Variants in PCDH15 observed in about 807,000 individuals in gnomAD.
PCDH15 encodes the protein protocadherin related 15.
PCDH15 carries 129 observed loss-of-function variants against 178.5 expected under a neutral mutation model. The observed-to-expected ratio is 0.72, with a 90% CI of 0.63 to 0.84. The LOEUF (loss-of-function observed/expected upper bound fraction) is 0.84, where lower values mean the gene tolerates loss of function less well. Ranked by LOEUF, PCDH15 falls within the 40% of genes least tolerant of loss-of-function variation. The probability of loss-of-function intolerance (pLI) is 0.00; values close to 1 mark genes in which losing one functional copy is unlikely to be tolerated. For synonymous variants in PCDH15, 800 were observed against 732.0 expected (o/e 1.09, Z -1.50); for missense variants, 2,230 against 2,099.9 (o/e 1.06, Z -1.21).
At chr10:54,384,031 G>A (rs1263585329) in intron 3 of PCDH15, among the ~76,000 whole-genome samples, 3 of 142,564 alleles carry the variant, frequency 2.1e-5, no homozygotes, top group African/African-American at 7.9e-5. Context: ...ATGGGGTTCC[G>A]CCATGTTGGC....
At chr10:54,565,813 G>C (rs144040730) in intron 2 of PCDH15, among the ~76,000 whole-genome samples, 1 of 152,232 alleles carries the variant, frequency 6.6e-6, no homozygotes, top group African/African-American at 2.4e-5. Flanking sequence ...GGCCAGGCGC[G>C]GTGGCTCATG....
intron 3 of PCDH15, among the ~76,000 whole-genome samples, chr10:54,882,459 G>C (rs965546126): frequency 6.6e-6 from 1 of 151,968 alleles, no homozygotes; most frequent in Non-Finnish European, 1.5e-5. Flanking sequence ...TTTAAAAACA[G>C]ATGCAAAACC....
chr10:54,566,744 G>A (rs780795408), intron 2 of PCDH15, among the ~76,000 whole-genome samples: 4 of 152,132 alleles, frequency 2.6e-5, no homozygotes, highest in Non-Finnish European at 5.9e-5. Flanking sequence ...TTCACTTACT[G>A]TAGACCCTCT....
chr10:54,121,194 T>C (rs574029902), intron 15 of PCDH15, among the ~76,000 whole-genome samples: 1 of 152,220 alleles, frequency 6.6e-6, no homozygotes, highest in East Asian at 1.9e-4. Context: ...TGAGTGACTT[T>C]TAAGTAAACA....
At chr10:55,412,615 A>G (rs1838366998) in intron 2 of PCDH15, among the ~76,000 whole-genome samples, 1 of 152,008 alleles carries the variant, frequency 6.6e-6, no homozygotes, top group African/African-American at 2.4e-5. Flanking sequence ...AGTATAAGGT[A>G]GAGGGATTAA....
At chr10:54,236,104 C>G (rs1433319439) in intron 9 of PCDH15, among the ~76,000 whole-genome samples, 1 of 152,152 alleles carries the variant, frequency 6.6e-6, no homozygotes, top group Non-Finnish European at 1.5e-5. Flanking sequence ...ATTTTTCAAG[C>G]ACACTTCAAA....
At chr10:54,281,189 C>G (rs1414965220) in intron 8 of PCDH15, among the ~76,000 whole-genome samples, 1 of 151,694 alleles carries the variant, frequency 6.6e-6, no homozygotes, top group East Asian at 1.9e-4. Context: ...TAAACTGTTC[C>G]CAACTTGGGG....
At chr10:54,366,158 T>C (rs1266471701) in intron 5 of PCDH15, among the ~76,000 whole-genome samples, 1 of 152,084 alleles carries the variant, frequency 6.6e-6, no homozygotes, top group African/African-American at 2.4e-5. Flanking sequence ...CAGTTCTCAG[T>C]TTTCTCATGG....
chr10:54,237,373 ATAAAG>A (rs2054741626), intron 8 of PCDH15, among the ~76,000 whole-genome samples: 2 of 150,984 alleles, frequency 1.3e-5, no homozygotes, highest in Admixed American at 6.6e-5. Context: ...TAAAATATAA[ATAAAG>A]TAAATAATTT....
At chr10:53,976,041 T>C (rs2090156358) in intron 21 of PCDH15, among the ~76,000 whole-genome samples, 1 of 152,192 alleles carries the variant, frequency 6.6e-6, no homozygotes. Context: ...CTCTATAGTT[T>C]GTTTTTGTAA....
At chr10:54,128,603 A>G (rs755850438) in intron 15 of PCDH15, among the ~76,000 whole-genome samples, 1 of 152,150 alleles carries the variant, frequency 6.6e-6, no homozygotes, top group Non-Finnish European at 1.5e-5. Context: ...GACTAGCAAC[A>G]ATTTCAACCT....
At chr10:54,057,293 A>G (rs2093915015) in intron 18 of PCDH15, among the ~76,000 whole-genome samples, 1 of 152,212 alleles carries the variant, frequency 6.6e-6, no homozygotes, top group African/African-American at 2.4e-5. Flanking sequence ...ACCCTGGCAG[A>G]GGTTCTCCAT....
rs117966269 is a variant in PCDH15 at position 55,453,413 on chromosome 10, T to G, written c.-156+174212A>C. ...GAAATATGACAGAAAAGATGCTGAGTAGGAAGCTATGAAAAATACTCAAAA... is the reference window on the plus strand; with the variant it reads ...GAAATATGACAGAAAAGATGCTGAGGAGGAAGCTATGAAAAATACTCAAAA... On this transcript the variant is annotated intron_variant, in intron 2 of 5. Coordinates refer to the PCDH15 transcript ENST00000613346. Among the ~76,000 whole-genome samples, 278 of 152,272 alleles carry G rather than the reference T, an allele frequency of 1.8e-3. 4 individuals carry two copies. The East Asian group carries it at 0.043, about 23-fold the overall frequency.
intron 2 of PCDH15, among the ~76,000 whole-genome samples, chr10:55,588,460 C>A (rs1451424540): frequency 1.3e-5 from 2 of 151,956 alleles, no homozygotes; most frequent in African/African-American, 4.8e-5. Flanking sequence ...TTAAAAGAAA[C>A]CCCACACACA....
intron 2 of PCDH15, among the ~76,000 whole-genome samples, chr10:55,090,625 T>C: frequency 6.6e-6 from 1 of 152,020 alleles, no homozygotes; most frequent in Middle Eastern, 3.2e-3. Context: ...GGAAAAATAA[T>C]CTACCTTATT....
At chr10:54,531,559 G>A (rs970498661) in intron 2 of PCDH15, among the ~76,000 whole-genome samples, 9 of 152,008 alleles carry the variant, frequency 5.9e-5, no homozygotes, top group African/African-American at 1.9e-4. Flanking sequence ...AGGATTTTCC[G>A]AATATGCTCA....
intron 25 of PCDH15, among the ~76,000 whole-genome samples, chr10:53,934,952 G>A (rs1441157132): frequency 1.4e-5 from 2 of 144,994 alleles, no homozygotes; most frequent in Admixed American, 6.8e-5. Flanking sequence ...AAAAAGTCTA[G>A]AATTAAAAAA....
chr10:55,510,742 T>A (rs1257026893), intron 2 of PCDH15, among the ~76,000 whole-genome samples: 1 of 151,648 alleles, frequency 6.6e-6, no homozygotes, highest in Non-Finnish European at 1.5e-5. Flanking sequence ...CCTCCTTGTA[T>A]CAAACACTGA....
chr10:53,988,624 T>C (rs1048363026), intron 21 of PCDH15, among the ~76,000 whole-genome samples: 7 of 152,126 alleles, frequency 4.6e-5, no homozygotes, highest in African/African-American at 1.7e-4. Flanking sequence ...ATCCAGGTCA[T>C]GAGAAGCCAA....
Sources: allele counts gnomAD v4.1 joint callset (sites outside exome capture counted in the v4.1 genomes callset), GRCh38; gene constraint gnomAD v4.1.1; transcripts MANE v1.5; gene names NCBI Gene and HGNC (gene_info 2026-07-23, HGNC 2026-07-21).